WNT2B: variants seen among roughly 807,000 people sequenced by gnomAD.
WNT2B encodes protein Wnt-2b.
Under a neutral mutation model 40.5 loss-of-function variants are expected in WNT2B, and 19 were observed. The observed-to-expected ratio is 0.47, with a 90% CI of 0.33 to 0.69. WNT2B has a LOEUF of 0.69. Ranked by LOEUF, WNT2B falls within the 30% of genes least tolerant of loss-of-function variation. WNT2B has a pLI of 0.02. For synonymous variants in WNT2B, 220 were observed against 211.9 expected (o/e 1.04, Z -0.33); for missense variants, 467 against 556.4 (o/e 0.84, Z 1.62).
In WNT2B at chr1:112,521,311, C is replaced by CTTTTTTTTTTT. The variant is rs5777124; in HGVS notation, c.*812_*822dup. The CTTTTTTTTTTT allele has an allele frequency of 6.1e-4, 75 of 122,052 alleles. No individual in the cohort carries two copies. The highest frequency in any genetic ancestry group is 1.3e-3 in the African/African-American group (44 of 32,880). The allele number at this position is 122,052 out of a possible 1,614,324, so 7.6% of individuals were successfully genotyped here. A position where few individuals can be genotyped will look rare whatever the true frequency, so the allele number is the denominator to read the frequency against. On this transcript the variant is annotated 3_prime_UTR_variant, in exon 5 of 5. Transcript: ENST00000369684. ...TAAGTCTGGCTAGGCCTTGTGTTGC[C>CTTTTTTTTTTT]TTTTTTTTTTTTTTTTTTTTCTTTT...
intron 1 of WNT2B, among the ~76,000 whole-genome samples, chr1:112,512,478 C>T (rs916774346): frequency 5.3e-5 from 8 of 152,164 alleles, no homozygotes; most frequent in African/African-American, 1.9e-4. Context: ...GTTCTGGGGA[C>T]CACACTTTGA....
chr1:112,489,167 A>G (rs893174392), intron 1 of WNT2B, among the ~76,000 whole-genome samples: 1 of 152,126 alleles, frequency 6.6e-6, no homozygotes, highest in Non-Finnish European at 1.5e-5. Context: ...GGCTATCACT[A>G]CAGAATACAG....
Position 112,517,179 on chromosome 1 carries a change from C to A in WNT2B, c.740C>A (p.Thr247Asn). ...TGCCATGGCGTGAGTGGTTCCTGTA[C>A]TCTGCGCACCTGCTGGCGTGCACTC... Reference protein sequence around the residue: ...CKCHGVSGSCTLRTCWRALSD... With the variant: ...CKCHGVSGSCNLRTCWRALSD... Residue 247 changes from threonine to asparagine, a missense_variant, in exon 4 of 5, where the codon ACT (threonine) becomes AAT (asparagine). Around this residue, in one of 2 missense-constraint regions of WNT2B, gnomAD observed 330 missense variants for 438.6 expected, o/e 0.75. Coordinates refer to ENST00000369684, the MANE Select transcript of WNT2B (RefSeq NM_024494.3). 1 of 1,614,204 alleles carries A rather than the reference C, an allele frequency of 6.2e-7. No homozygotes were observed.
chr1:112,515,201 A>G lies in WNT2B; in HGVS notation c.403+107A>G, dbSNP rs1652483907. 4 of 1,297,372 alleles carry G rather than the reference A, an allele frequency of 3.1e-6. No individual in the cohort carries two copies. Among genetic ancestry groups the G allele is most frequent in the Non-Finnish European group, 2.1e-6 (2 of 934,810 alleles). The allele number at this position is 1,297,372 out of a possible 1,614,324, so 80.4% of individuals were successfully genotyped here. On this transcript the variant is annotated intron_variant, in intron 2 of 4. Transcript: ENST00000369684. The surrounding 1 kb of genome is among the most constrained non-coding windows in gnomAD (Gnocchi z 4.4). ...CCTCTCCTCTCCCACACACTGTTTC[A>G]TCATCAGAGAAAGAACTGTGGGCAG...
chr1:112,517,081 A>G (rs201792258), intron 3 of WNT2B, 40 bp from the exon 4 acceptor site: 229 of 1,591,676 alleles, frequency 1.4e-4, no homozygotes, highest in Non-Finnish European at 1.9e-4. Flanking sequence ...ATGTGTCCTG[A>G]CCAGCTACTT....
At chr1:112,471,480 C>G (rs1459878953) in intron 1 of WNT2B, among the ~76,000 whole-genome samples, 4 of 152,216 alleles carry the variant, frequency 2.6e-5, no homozygotes, top group African/African-American at 7.2e-5. Context: ...GTATGATTAT[C>G]TATTCACAAT....
At chr1:112,478,358 T>C (rs1448539023) in intron 1 of WNT2B, among the ~76,000 whole-genome samples, 2 of 152,082 alleles carry the variant, frequency 1.3e-5, no homozygotes, top group African/African-American at 4.8e-5. Flanking sequence ...AGATTCATGA[T>C]ACCAAATAGC....
At chr1:112,500,672 TGAG>T (rs1651920003) in intron 1 of WNT2B, among the ~76,000 whole-genome samples, 1 of 151,988 alleles carries the variant, frequency 6.6e-6, no homozygotes, top group Non-Finnish European at 1.5e-5. Context: ...ATCGGGAGAC[TGAG>T]GAGGGAAGAT....
intron 1 of WNT2B, among the ~76,000 whole-genome samples, chr1:112,479,744 C>T (rs1651165808): frequency 6.6e-6 from 1 of 151,986 alleles, no homozygotes; most frequent in Non-Finnish European, 1.5e-5. Context: ...CGGGGTCTCG[C>T]TCTGTCTCCC....
chr1:112,490,492 C>CT (rs200730941), intron 1 of WNT2B, among the ~76,000 whole-genome samples: 21,007 of 142,496 alleles, frequency 0.15, 1,787 homozygotes, highest in East Asian at 0.34. Context: ...AACTCATATT[C>CT]TTTTTTTTTT....
At chr1:112,468,300 T>C (rs1246647266) in intron 1 of WNT2B, among the ~76,000 whole-genome samples, 1 of 152,202 alleles carries the variant, frequency 6.6e-6, no homozygotes, top group African/African-American at 2.4e-5. Flanking sequence ...ACTATTTATT[T>C]TCCTTTAGCT....
chr1:112,478,237 GA>G (rs1233950438), intron 1 of WNT2B, among the ~76,000 whole-genome samples: 8 of 151,208 alleles, frequency 5.3e-5, no homozygotes, highest in Non-Finnish European at 1.2e-4. Context: ...CTGTCTCAAA[GA>G]GAGAGAGAGA....
chr1:112,508,780 G>A (rs549535943), upstream of WNT2B: 7 of 987,346 alleles, frequency 7.1e-6, no homozygotes, highest in East Asian at 7.9e-4. This position sits in a 1 kb window ranked among gnomAD's most constrained non-coding sequence, Gnocchi z 4.2. Flanking sequence ...GCGTGCGGGA[G>A]CAGGTGGGGG....
chr1:112,516,876 C>T (rs1189739845), intron 3 of WNT2B, among the ~76,000 whole-genome samples: 1 of 152,196 alleles, frequency 6.6e-6, no homozygotes, highest in Non-Finnish European at 1.5e-5. Context: ...TGTGGCTCTA[C>T]AGTTCAGTGG....
Position 112,510,748 on chromosome 1 carries a change from G to C in WNT2B, c.182+1304G>C, listed in dbSNP as rs1216973852. On this transcript the variant is annotated intron_variant, in intron 1 of 4. Transcript: ENST00000369684. ...GTGTTGGGGAAGGCAAGGAGGGGGGGTTCTGGTTGGGGGAACAGAGAGGCC... is the reference window on the plus strand; with the variant it reads ...GTGTTGGGGAAGGCAAGGAGGGGGGCTTCTGGTTGGGGGAACAGAGAGGCC... Among the ~76,000 whole-genome samples, 7 of 151,814 alleles carry C rather than the reference G, an allele frequency of 4.6e-5. No individual in the cohort carries two copies. The East Asian group carries it at 1.4e-3, about 29-fold the overall frequency.
At chr1:112,484,803 A>G (rs2101059422) in intron 1 of WNT2B, among the ~76,000 whole-genome samples, 1 of 152,186 alleles carries the variant, frequency 6.6e-6, no homozygotes, top group East Asian at 1.9e-4. Flanking sequence ...AATAAATAAT[A>G]CTATTTATAA....
intron 1 of WNT2B, among the ~76,000 whole-genome samples, chr1:112,485,734 T>A (rs1245230622): frequency 6.6e-6 from 1 of 152,164 alleles, no homozygotes; most frequent in Non-Finnish European, 1.5e-5. Context: ...ACTGAAGATA[T>A]ATTTTCGACC....
intron 1 of WNT2B, among the ~76,000 whole-genome samples, chr1:112,500,194 G>C (rs760659842): frequency 6.6e-6 from 1 of 152,094 alleles, no homozygotes; most frequent in Non-Finnish European, 1.5e-5. Flanking sequence ...TGTTTCCCTC[G>C]TTCTGTCATG....
chr1:112,519,772 T>A (rs1477709793), intron 4 of WNT2B, among the ~76,000 whole-genome samples: 1 of 152,110 alleles, frequency 6.6e-6, no homozygotes, highest in Non-Finnish European at 1.5e-5. Flanking sequence ...TATTTTCATA[T>A]GAGAAACTAA....
Sources: allele counts gnomAD v4.1 joint callset (sites outside exome capture counted in the v4.1 genomes callset), GRCh38; gene constraint gnomAD v4.1.1; regional missense constraint gnomAD v4.1.1; non-coding constraint Gnocchi (gnomAD v3.1); transcripts MANE v1.5; gene names NCBI Gene and HGNC (gene_info 2026-07-23, HGNC 2026-07-21).